MERTK: variants seen among roughly 807,000 people sequenced by gnomAD.
MERTK encodes the protein MER proto-oncogene, tyrosine kinase.
A neutral mutation model predicts 99.3 loss-of-function variants in MERTK; 69 were observed. That is an observed-to-expected ratio of 0.70 (90% CI 0.57 to 0.85). The LOEUF (loss-of-function observed/expected upper bound fraction) is 0.85. MERTK is among the 40% of genes least tolerant of loss of function. The pLI, the probability that MERTK is intolerant of heterozygous loss-of-function variation, is 0.00. For synonymous variants in MERTK, 426 were observed against 467.6 expected (o/e 0.91, Z 1.15); for missense variants, 1,125 against 1,249.4 (o/e 0.90, Z 1.50).
chr2:111,948,065 G>A (rs1394494052), intron 4 of MERTK, among the ~76,000 whole-genome samples: 6 of 152,026 alleles, frequency 3.9e-5, no homozygotes, highest in African/African-American at 1.2e-4. Context: ...TTTTAGTCCC[G>A]CACATCACTG....
chr2:111,934,358 A>G (rs1339967830), intron 2 of MERTK, among the ~76,000 whole-genome samples: 4 of 152,168 alleles, frequency 2.6e-5, no homozygotes, highest in African/African-American at 2.4e-5. Flanking sequence ...AAGTGTTCCT[A>G]TTTCTCCACA....
Position 111,947,341 on chromosome 2 carries a change from C to CT in MERTK, c.584-52dup. 3.3e-6 allele frequency: 5 copies of CT among 1,502,900 alleles called. No homozygotes were observed. In the South Asian group the frequency reaches 5.6e-5, roughly 17 times the overall value. 93.1% of individuals were successfully genotyped at this position (1,502,900 alleles called of 1,614,324 possible). A position where few individuals can be genotyped will look rare whatever the true frequency, so the allele number is the denominator to read the frequency against. On this transcript the variant is annotated intron_variant, in intron 3 of 18. Coordinates refer to ENST00000295408, the MANE Select transcript of MERTK (RefSeq NM_006343.3). ...TCCAGTTTCCATTCCCCTTTGGGCT[C>CT]TGTCTCTGTTTTCAGATCTGAAACA...
At position 111,947,387 on chromosome 2, in the gene MERTK, T is replaced by G; in HGVS notation, c.584-7T>G. 6.2e-7 allele frequency: 1 copy of G among 1,613,954 alleles called. No homozygotes were observed. Among genetic ancestry groups the G allele is most frequent in the Non-Finnish European group, 8.5e-7 (1 of 1,179,942 alleles). On this transcript the variant is annotated splice_polypyrimidine_tract_variant and splice_region_variant and intron_variant, in intron 3 of 18. Transcript: ENST00000295408. ...AAACATTCTTTTGTGTAACGTTTTC[T>G]CCGCAGGACTTCCTCACTTTACTAA...
At chr2:111,987,339 A>C (rs1394091832) in intron 8 of MERTK, among the ~76,000 whole-genome samples, 1 of 152,200 alleles carries the variant, frequency 6.6e-6, no homozygotes, top group Non-Finnish European at 1.5e-5. Context: ...ATGGATATTT[A>C]TTATATCTCA....
Position 112,000,491 on chromosome 2 carries a change from G to A in MERTK, c.1605-710G>A, listed in dbSNP as rs947321783. On this transcript the variant is annotated intron_variant, in intron 10 of 18. Coordinates refer to ENST00000295408, the MANE Select transcript of MERTK (RefSeq NM_006343.3). Reference sequence around the variant, plus strand: ...TTGCCAGTTTTCAGAAGTGTTAGTCGGGTGTTTTGTAGGATGCCCCTCTAT... The same window carrying A: ...TTGCCAGTTTTCAGAAGTGTTAGTCAGGTGTTTTGTAGGATGCCCCTCTAT... Among the ~76,000 whole-genome samples the A allele has an allele frequency of 3.9e-5, 6 of 152,186 alleles. No individual in the cohort carries two copies. The South Asian group carries it at 6.2e-4, about 16-fold the overall frequency.
Position 112,008,322 on chromosome 2 carries a change from C to A in MERTK, c.1868-61C>A, listed in dbSNP as rs571833270. 7.0e-6 allele frequency: 9 copies of A among 1,279,268 alleles called. No homozygotes were observed. The South Asian group carries it at 9.6e-5, about 14-fold the overall frequency. The allele number at this position is 1,279,268 out of a possible 1,614,324, so 79.2% of individuals were successfully genotyped here. Reference sequence around the variant, plus strand: ...TTTAGAGAACAGAACTGCTGTTGCCCACCCACTCCCCTTAATTGAGTAAAT... The same window carrying A: ...TTTAGAGAACAGAACTGCTGTTGCCAACCCACTCCCCTTAATTGAGTAAAT... On this transcript the variant is annotated intron_variant, in intron 13 of 18. Transcript: ENST00000295408.
intron 2 of MERTK, among the ~76,000 whole-genome samples, chr2:111,938,317 G>C (rs1573584842): frequency 6.6e-6 from 1 of 152,070 alleles, no homozygotes. Flanking sequence ...GGCTGGTCTT[G>C]AACTCCTGGG....
At chr2:112,017,900 TAATACAAAACCCAACTCAA>T (rs1677251194) in intron 15 of MERTK, among the ~76,000 whole-genome samples, 1 of 152,146 alleles carries the variant, frequency 6.6e-6, no homozygotes, top group Non-Finnish European at 1.5e-5. Context: ...CACCAGCATG[TAATACAAAACCCAACTCAA>T]AATGACTTTC....
At chr2:112,024,012 G>C (rs1422966314) in intron 18 of MERTK, among the ~76,000 whole-genome samples, 1 of 152,202 alleles carries the variant, frequency 6.6e-6, no homozygotes, top group Non-Finnish European at 1.5e-5. Context: ...GTTTTAATCA[G>C]AGCTTCGTCC....
intron 8 of MERTK, among the ~76,000 whole-genome samples, chr2:111,985,268 C>T (rs998117924): frequency 1.3e-5 from 2 of 152,274 alleles, no homozygotes; most frequent in African/African-American, 4.8e-5. Flanking sequence ...CCCAATACAG[C>T]AGCAGGAAAG....
In MERTK at chr2:111,941,021, G is replaced by C; in HGVS notation, c.483-3939G>C. Reference sequence around the variant, plus strand: ...GGGTTGTGGTAGTCAAGAGCCGTCAGCTTTCATTGGAACATGCTCCCCGCT... The same window carrying C: ...GGGTTGTGGTAGTCAAGAGCCGTCACCTTTCATTGGAACATGCTCCCCGCT... On this transcript the variant is annotated intron_variant, in intron 2 of 18. Coordinates refer to ENST00000295408, the MANE Select transcript of MERTK (RefSeq NM_006343.3). The C allele has an allele frequency of 5.5e-6, 3 of 543,460 alleles. No individual in the cohort carries two copies. In the Admixed American group the frequency reaches 7.8e-5, roughly 14 times the overall value. The allele number at this position is 543,460 out of a possible 1,614,324, so 33.7% of individuals were successfully genotyped here. A position where few individuals can be genotyped will look rare whatever the true frequency, so the allele number is the denominator to read the frequency against.
intron 5 of MERTK, among the ~76,000 whole-genome samples, chr2:111,966,577 G>T (rs1383619527): frequency 6.6e-6 from 1 of 152,172 alleles, no homozygotes; most frequent in Non-Finnish European, 1.5e-5. Flanking sequence ...TTATGCTTCA[G>T]AATCTCAGCT....
Position 112,021,403 on chromosome 2 carries a change from C to T in MERTK, c.2190-19C>T, listed in dbSNP as rs557325733. ...GCATTGCCTCTGACGCTGCTGAAGA[C>T]GTAACCTGCTCTCTGTAGGTTGCGA... On this transcript the variant is annotated intron_variant, in intron 16 of 18. Coordinates refer to ENST00000295408, the MANE Select transcript of MERTK (RefSeq NM_006343.3). The T allele has an allele frequency of 1.8e-5, 29 of 1,612,324 alleles. No individual in the cohort carries two copies. The highest frequency in any genetic ancestry group is 4.5e-5 in the East Asian group (2 of 44,880).
chr2:111,982,877 C>T lies in MERTK; in HGVS notation c.1180C>T (p.Leu394=). The change falls in exon 8 of 19, where the codon CTG becomes TTG. Residue 394 remains leucine, a synonymous_variant. Transcript: ENST00000295408. ...AGCACCTTTAAATGTCACTGTGTTT[C>T]TGAATGAATCTAGTGATAATGTGGA... ...SVAPLNVTVF[L]NESSDNVDIR... 6.2e-7 allele frequency: 1 copy of T among 1,614,112 alleles called. No homozygotes were observed. Among genetic ancestry groups the T allele is most frequent in the Non-Finnish European group, 8.5e-7 (1 of 1,180,000 alleles).
At chr2:111,971,709 T>C (rs184256025) in intron 6 of MERTK, among the ~76,000 whole-genome samples, 3 of 152,368 alleles carry the variant, frequency 2.0e-5, no homozygotes, top group Admixed American at 1.3e-4. Flanking sequence ...TATTAAGGCT[T>C]GTTTTATGAC....
At position 111,929,234 on chromosome 2, in the gene MERTK, A is replaced by G; in HGVS notation, c.176A>G (p.Tyr59Cys). ...PLLSLPHASG[Y>C]QPALMFSPTQ... Reference sequence around the variant, plus strand: ...TTATCCCTTCCTCACGCCAGTGGGTACCAGCCTGCCTTGATGTTTTCACCA... The same window carrying G: ...TTATCCCTTCCTCACGCCAGTGGGTGCCAGCCTGCCTTGATGTTTTCACCA... Residue 59 changes from tyrosine (Y) to cysteine (C), a missense_variant, in exon 2 of 19, where the codon TAC becomes TGC. By Grantham distance (194) the Tyr-to-Cys change is radical (BLOSUM62 -2). Transcript: ENST00000295408. 2 of 1,614,148 alleles carry G rather than the reference A, an allele frequency of 1.2e-6. No homozygotes were observed. The highest frequency in any genetic ancestry group is 1.7e-6 in the Non-Finnish European group (2 of 1,180,020).
At chr2:112,026,890 G>A (rs140665941) in intron 18 of MERTK, among the ~76,000 whole-genome samples, 5 of 152,170 alleles carry the variant, frequency 3.3e-5, no homozygotes, top group African/African-American at 1.2e-4. Flanking sequence ...ATTTCTGTTC[G>A]TAAGATGCTA....
At chr2:111,911,171 T>C (rs542177965) in intron 1 of MERTK, among the ~76,000 whole-genome samples, 71 of 152,160 alleles carry the variant, frequency 4.7e-4, no homozygotes, top group Middle Eastern at 3.4e-3. Context: ...CAAGGGGAAA[T>C]GGGTGCTGAG....
In MERTK at chr2:111,982,850, G is replaced by A; in HGVS notation, c.1153G>A (p.Val385Ile). The A allele has an allele frequency of 1.2e-6, 2 of 1,614,042 alleles. No individual in the cohort carries two copies. The highest frequency in any genetic ancestry group is 2.2e-5 in the East Asian group (1 of 44,878). ...LASTTEGAPS[V>I]APLNVTVFLN... is the part of the protein sequence containing the mutation. ...CCTTTTTTCTTTTGTAGCCCCATCA[G>A]TAGCACCTTTAAATGTCACTGTGTT... The change falls in exon 8 of 19, where the codon GTA becomes ATA. Residue 385 changes from valine (V) to isoleucine (I), a missense_variant. Coordinates refer to ENST00000295408, the MANE Select transcript of MERTK (RefSeq NM_006343.3).
Sources: allele counts gnomAD v4.1 joint callset (sites outside exome capture counted in the v4.1 genomes callset), GRCh38; gene constraint gnomAD v4.1.1; transcripts MANE v1.5; gene names NCBI Gene and HGNC (gene_info 2026-07-23, HGNC 2026-07-21).